Variants in SLC43A2 observed in about 807,000 individuals in gnomAD.
SLC43A2 encodes large neutral amino acids transporter small subunit 4.
In SLC43A2, 38 loss-of-function variants were observed where a neutral mutation model predicts 63.2. The ratio of observed to expected loss-of-function variants is 0.60; its 90% CI spans 0.46 to 0.79. SLC43A2 has a LOEUF of 0.79. Ranked by LOEUF, SLC43A2 falls within the 30% of genes least tolerant of loss-of-function variation. SLC43A2 has a pLI of 0.00. For synonymous variants in SLC43A2, 322 were observed against 331.0 expected (o/e 0.97, Z 0.30); for missense variants, 644 against 756.2 (o/e 0.85, Z 1.74).
In SLC43A2 at chr17:1,605,152, TGC is replaced by T. The variant is rs139164562; in HGVS notation, c.501+8041_501+8042del. ...AGCCCCCTCGCCGCCTCTGCCTCCG[TGC>T]GGGTCAACCTGTCCTGCCAGCCCGG... On this transcript the variant is annotated intron_variant, in intron 5 of 13. Transcript: ENST00000301335. The surrounding 1 kb of genome is among the most constrained non-coding windows in gnomAD (Gnocchi z 4.9). 3.6e-4 allele frequency: 449 copies of T among 1,257,288 alleles called. No individual in the cohort carries two copies. The highest frequency in any genetic ancestry group is 4.4e-4 in the Non-Finnish European group (436 of 990,306). 77.9% of individuals were successfully genotyped at this position (1,257,288 alleles called of 1,614,324 possible). A position where few individuals can be genotyped will look rare whatever the true frequency, so the allele number is the denominator to read the frequency against.
intron 5 of SLC43A2, among the ~76,000 whole-genome samples, chr17:1,612,331 T>C (rs1195150091): frequency 6.6e-6 from 1 of 152,268 alleles, no homozygotes; most frequent in East Asian, 1.9e-4. Context: ...AAGGAGCATA[T>C]TTTGTGATGT....
In SLC43A2 at chr17:1,596,150, C is replaced by A. The variant is rs893694239; in HGVS notation, c.502-2871G>T. 2.0e-5 allele frequency among the ~76,000 whole-genome samples: 3 copies of A among 151,900 alleles called. No individual in the cohort carries two copies. In the East Asian group the frequency reaches 5.8e-4, roughly 29 times the overall value. ...CCTGGCCAACATGGGGAAACCCTATCTCTACTAAAAATACAAAAAATTAGC... is the reference window on the plus strand; with the variant it reads ...CCTGGCCAACATGGGGAAACCCTATATCTACTAAAAATACAAAAAATTAGC... On this transcript the variant is annotated intron_variant, in intron 5 of 13. Transcript: ENST00000301335.
chr17:1,599,911 G>A (rs1333018040), intron 5 of SLC43A2, among the ~76,000 whole-genome samples: 2 of 149,180 alleles, frequency 1.3e-5, no homozygotes, highest in East Asian at 2.0e-4. Flanking sequence ...GGGCGTGGTG[G>A]CGGGCGCCTG....
chr17:1,591,735 G>GGGGGCA, intron 6 of SLC43A2, 36 bp from the exon 7 acceptor site: 11 of 652,918 alleles, frequency 1.7e-5, no homozygotes, highest in Middle Eastern at 4.5e-4. Flanking sequence ...GGGGGGGGGA[G>GGGGGCA]GGGGCAGAGT....
In SLC43A2 at chr17:1,593,196, T is replaced by TG; in HGVS notation, c.584dup (p.Gly196ArgfsTer7). 1 of 1,613,788 alleles carries TG rather than the reference T, an allele frequency of 6.2e-7. No individual in the cohort carries two copies. Among genetic ancestry groups the TG allele is most frequent in the Non-Finnish European group, 8.5e-7 (1 of 1,179,866 alleles). On this transcript the variant is annotated frameshift_variant, in exon 6 of 14. Coordinates refer to ENST00000301335, the MANE Select transcript of SLC43A2 (RefSeq NM_152346.3). LOFTEE classifies it high-confidence loss of function. This position sits in a 1 kb window ranked among gnomAD's most constrained non-coding sequence, Gnocchi z 5.3. ...AAATACACGTGCTCACCTTGATTCCTGGAAAGGTGACTGCCGAGGAGGCGT... is the reference window on the plus strand; with the variant it reads ...AAATACACGTGCTCACCTTGATTCCTGGGAAAGGTGACTGCCGAGGAGGCGT...
intron 9 of SLC43A2, among the ~76,000 whole-genome samples, chr17:1,587,111 C>CCG (rs1555537693): frequency 4.6e-5 from 7 of 152,254 alleles, no homozygotes; most frequent in East Asian, 1.9e-4. Context: ...ACTGCATTTC[C>CCG]CACTAAGCGT....
rs2151019218 is a variant in SLC43A2 at position 1,569,472 on chromosome 17, A to C, written c.*6132T>G. ...TCCTGCCCAGGTGTTCTTTCCAGCA[A>C]TGGAAAGGGATTCAGCGAGGTAAGA... On this transcript the variant is annotated 3_prime_UTR_variant, in exon 14 of 14. Coordinates refer to ENST00000301335, the MANE Select transcript of SLC43A2 (RefSeq NM_152346.3). 6.6e-6 allele frequency: 1 copy of C among 152,382 alleles called. No individual in the cohort carries two copies. The highest frequency in any genetic ancestry group is 2.4e-5 in the African/African-American group (1 of 41,584). 9.4% of individuals were successfully genotyped at this position (152,382 alleles called of 1,614,324 possible).
At chr17:1,598,035 C>T (rs1158239820) in intron 5 of SLC43A2, among the ~76,000 whole-genome samples, 1 of 152,214 alleles carries the variant, frequency 6.6e-6, no homozygotes, top group African/African-American at 2.4e-5. Context: ...GTGGCCATAT[C>T]TACCCCAGTG....
At chr17:1,589,436 C>G (rs1002190580) in intron 9 of SLC43A2, among the ~76,000 whole-genome samples, 3 of 152,116 alleles carry the variant, frequency 2.0e-5, no homozygotes, top group Non-Finnish European at 2.9e-5. Context: ...AAGACCCTAT[C>G]TCTGCAAAGA....
chr17:1,594,989 C>A (rs1425613097), intron 5 of SLC43A2, among the ~76,000 whole-genome samples: 1 of 151,866 alleles, frequency 6.6e-6, no homozygotes, highest in African/African-American at 2.4e-5. Context: ...CCAGCCTGGA[C>A]AACATGGCGA....
At chr17:1,627,586 T>C in intron 2 of SLC43A2, 129 bp downstream of exon 2, 1 of 911,946 alleles carries the variant, frequency 1.1e-6, no homozygotes, top group Admixed American at 3.3e-5. Flanking sequence ...GAGGATCAGA[T>C]GGGCCTTCTG....
At chr17:1,617,057 G>C (rs1339181519) in intron 2 of SLC43A2, among the ~76,000 whole-genome samples, 1 of 152,224 alleles carries the variant, frequency 6.6e-6, no homozygotes, top group African/African-American at 2.4e-5. Context: ...ACAGTTTCAG[G>C]AGCTTTGTGT....
intron 6 of SLC43A2, among the ~76,000 whole-genome samples, 166 bp from the exon 7 acceptor site, chr17:1,591,865 C>T (rs1229170458): frequency 6.6e-6 from 1 of 152,100 alleles, no homozygotes; most frequent in Non-Finnish European, 1.5e-5. Flanking sequence ...ATCAGGCACC[C>T]GCCTTCCAGT....
rs764345691 is a variant in SLC43A2, at chr17:1,614,991, T to G, written c.412A>C (p.Ser138Arg). ...AGAGGACACTCACCGTTTGGTTTACTTGCTCCGTACGCAATCAGCAAGCAG... is the reference window on the plus strand; with the variant it reads ...AGAGGACACTCACCGTTTGGTTTACGTGCTCCGTACGCAATCAGCAAGCAG... Reference protein sequence around the residue: ...VSCLLIAYGASKPNALSVLIF... With the variant: ...VSCLLIAYGARKPNALSVLIF... The change falls in exon 4 of 14, where the codon AGT (serine) becomes CGT (arginine). Residue 138 changes from serine (S) to arginine (R), a missense_variant. This residue lies in a region of SLC43A2 where 528 missense variants were observed against 623.6 expected (regional missense o/e 0.85). Coordinates refer to ENST00000301335, the MANE Select transcript of SLC43A2 (RefSeq NM_152346.3). The G allele has an allele frequency of 1.5e-5, 24 of 1,613,930 alleles. No homozygotes were observed. The East Asian group carries it at 4.9e-4, about 33-fold the overall frequency.
rs1567607114 is a variant in SLC43A2, at chr17:1,577,956, CCT to C, written c.1424+292_1424+293del. The stretch of plus-strand genomic sequence containing the variant: ...GCCCCAGGACTCGGCTGTAGTGGCC[CCT>C]GAGGCCATAATGAGCTGCACAGGTG... On this transcript the variant is annotated intron_variant, in intron 12 of 13. Transcript: ENST00000301335. This position sits in a 1 kb window ranked among gnomAD's most constrained non-coding sequence, Gnocchi z 4.9. Among the ~76,000 whole-genome samples the C allele has an allele frequency of 3.3e-5, 5 of 152,208 alleles. No homozygotes were observed.
In SLC43A2 at chr17:1,575,187, T is replaced by G; in HGVS notation, c.*417A>C. ...GCGCGGGCGAGACAGTGCAAGCCTT[T>G]GTCCTCAGGCAGGTACGGCTGTGGG... On this transcript the variant is annotated 3_prime_UTR_variant, in exon 14 of 14. Coordinates refer to ENST00000301335, the MANE Select transcript of SLC43A2 (RefSeq NM_152346.3). 3.6e-6 allele frequency: 1 copy of G among 276,920 alleles called. No homozygotes were observed. Among genetic ancestry groups the G allele is most frequent in the Non-Finnish European group, 7.1e-6 (1 of 141,530 alleles). The allele number at this position is 276,920 out of a possible 1,614,324, so 17.2% of individuals were successfully genotyped here.
At chr17:1,626,756 A>G (rs1908700139) in intron 2 of SLC43A2, among the ~76,000 whole-genome samples, 1 of 152,152 alleles carries the variant, frequency 6.6e-6, no homozygotes, top group Admixed American at 6.6e-5. Context: ...ATCTAAGGGC[A>G]CTCTAGCACT....
intron 2 of SLC43A2, 80 bp from the exon 3 acceptor site, chr17:1,616,849 A>G: frequency 6.7e-7 from 1 of 1,502,966 alleles, no homozygotes; most frequent in Non-Finnish European, 9.1e-7. Flanking sequence ...GTGCCCATTC[A>G]GAGTCCCCCC....
chr17:1,572,283 C>T lies in SLC43A2; in HGVS notation c.*3321G>A, dbSNP rs1262195278. The T allele has an allele frequency of 2.1e-5, 3 of 142,532 alleles. No homozygotes were observed. Among genetic ancestry groups the T allele is most frequent in the Non-Finnish European group, 3.1e-5 (2 of 64,848 alleles). 8.8% of individuals were successfully genotyped at this position (142,532 alleles called of 1,614,324 possible). ...AGGCCCCCCCCCCGCCACAGAGGTC[C>T]CCCCTGCCACAGAGGTCCCCCTGCC... On this transcript the variant is annotated 3_prime_UTR_variant, in exon 14 of 14. Coordinates refer to ENST00000301335, the MANE Select transcript of SLC43A2 (RefSeq NM_152346.3).
Sources: gnomAD v4.1 joint callset for allele counts (sites outside exome capture counted in the v4.1 genomes callset) on GRCh38, gnomAD v4.1.1 for gene constraint, gnomAD v4.1.1 regional missense constraint, Gnocchi (gnomAD v3.1) non-coding constraint, MANE v1.5 for transcripts, NCBI Gene and HGNC (gene_info 2026-07-23, HGNC 2026-07-21) for gene names.